Variants in ARHGAP35 observed in about 807,000 individuals in gnomAD.
The protein encoded by ARHGAP35 is rho GTPase-activating protein 35.
A neutral mutation model predicts 111.1 loss-of-function variants in ARHGAP35; 15 were observed. The observed-to-expected ratio is 0.13, with a 90% CI of 0.09 to 0.21. ARHGAP35 has a LOEUF of 0.21. Among genes scored for constraint, ARHGAP35 ranks in the 10% least tolerant of loss-of-function variants. The pLI, the probability that ARHGAP35 is intolerant of heterozygous loss-of-function variation, is 1.00. For missense variants in ARHGAP35, 1,262 were observed against 1,873.0 expected, an observed-to-expected ratio of 0.67 and a Z score of 6.02; for synonymous variants, 643 against 710.3, an observed-to-expected ratio of 0.91 and a Z score of 1.51.
chr19:46,998,684 T>C (rs924757781), intron 5 of ARHGAP35, among the ~76,000 whole-genome samples: 4 of 152,218 alleles, frequency 2.6e-5, no homozygotes, highest in Admixed American at 2.6e-4. Context: ...GCAGTTGTTT[T>C]CCCTCCCCCA....
At chr19:46,954,344 G>A (rs1016974265) in intron 3 of ARHGAP35, among the ~76,000 whole-genome samples, 2 of 152,204 alleles carry the variant, frequency 1.3e-5, no homozygotes, top group African/African-American at 2.4e-5. Flanking sequence ...GTGTCCCCAT[G>A]GGACCTGGCT....
rs953949211 is a variant in ARHGAP35, at chr19:46,922,511, G to A, written c.3681+155G>A. Among the ~76,000 whole-genome samples, 13 of 152,052 alleles carry A rather than the reference G, an allele frequency of 8.5e-5. No individual in the cohort carries two copies. Among genetic ancestry groups the A allele is most frequent in the Admixed American group, 6.6e-4 (10 of 15,262 alleles). On this transcript the variant is annotated intron_variant, in intron 2 of 6. Coordinates refer to ENST00000672722, the MANE Select transcript of ARHGAP35 (RefSeq NM_004491.5). This position sits in a 1 kb window ranked among gnomAD's most constrained non-coding sequence, Gnocchi z 4.0. ...ACATAAAAAAGCAGTGCCTCAATTA[G>A]CTACCATTATTGGCAGCTCTCAAGT...
chr19:47,000,518 C>T lies in ARHGAP35; in HGVS notation c.4330C>T (p.Pro1444Ser). Residue 1444 changes from proline (P) to serine (S), a missense_variant, in exon 7 of 7, where the codon CCC becomes TCC. Coordinates refer to ENST00000672722, the MANE Select transcript of ARHGAP35 (RefSeq NM_004491.5). This position sits in a 1 kb window ranked among gnomAD's most constrained non-coding sequence, Gnocchi z 6.9. The stretch of plus-strand genomic sequence containing the variant: ...CTTCTACAATCGGCCCATCACCGAG[C>T]CCCCCGGCGCCAGGCCCAGCTCCCC... ...FFFYNRPITE[P>S]PGARPSSPSA... 2.5e-6 allele frequency: 4 copies of T among 1,613,300 alleles called. No individual in the cohort carries two copies. The East Asian group carries it at 6.7e-5, about 27-fold the overall frequency.
chr19:46,876,122 T>A (rs1040526944), intron 1 of ARHGAP35, among the ~76,000 whole-genome samples: 47 of 152,056 alleles, frequency 3.1e-4, no homozygotes, highest in Non-Finnish European at 1.9e-4. Context: ...TGTTTACTCA[T>A]AGGGTAACTG....
chr19:47,000,879 C>T lies in ARHGAP35; in HGVS notation c.*191C>T, dbSNP rs1454249621. On this transcript the variant is annotated 3_prime_UTR_variant, in exon 7 of 7. Transcript: ENST00000672722. The surrounding 1 kb of genome is among the most constrained non-coding windows in gnomAD (Gnocchi z 6.9). ...GGGCTGCCAGGTACCCTGGGCCTGG[C>T]GCTGCAGACCTGAGCTGGCTTGGAC... The T allele has an allele frequency of 2.5e-5, 39 of 1,534,380 alleles. No homozygotes were observed. The highest frequency in any genetic ancestry group is 3.1e-5 in the Non-Finnish European group (35 of 1,146,100).
chr19:46,944,623 G>A (rs1438009290), intron 3 of ARHGAP35, among the ~76,000 whole-genome samples: 1 of 152,198 alleles, frequency 6.6e-6, no homozygotes, highest in Non-Finnish European at 1.5e-5. Context: ...TGAGAGGAGG[G>A]TCTCTGGAAG....
Position 46,994,893 on chromosome 19 carries a change from C to A in ARHGAP35, c.4037-4411C>A, listed in dbSNP as rs1015687174. On this transcript the variant is annotated intron_variant, in intron 5 of 6. Transcript: ENST00000672722. This position sits in a 1 kb window ranked among gnomAD's most constrained non-coding sequence, Gnocchi z 5.4. ...AAAGAATTCGCATTGTCTGACAAGG[C>A]AAGAATGGGGCGCTGTCACCACACA... 2.6e-5 allele frequency among the ~76,000 whole-genome samples: 4 copies of A among 152,202 alleles called. No individual in the cohort carries two copies. The highest frequency in any genetic ancestry group is 1.3e-4 in the Admixed American group (2 of 15,284).
At chr19:46,978,743 G>GGT (rs1182924308) in intron 3 of ARHGAP35, among the ~76,000 whole-genome samples, 1 of 139,284 alleles carries the variant, frequency 7.2e-6, no homozygotes, top group South Asian at 2.4e-4. Context: ...GAGTCTGTGT[G>GGT]GTGTGTGTGT....
chr19:46,972,096 G>T (rs946878193), intron 3 of ARHGAP35, among the ~76,000 whole-genome samples: 5 of 152,156 alleles, frequency 3.3e-5, no homozygotes, highest in African/African-American at 4.8e-5. Context: ...TGCAACCTCC[G>T]CCTCCCGGGT....
intron 1 of ARHGAP35, among the ~76,000 whole-genome samples, chr19:46,875,160 TTTA>T (rs1174202328): frequency 1.3e-5 from 2 of 152,040 alleles, no homozygotes; most frequent in Non-Finnish European, 2.9e-5. Context: ...CCCATTTGGT[TTTA>T]TTGTTGTTTT....
rs373370367 is a variant in ARHGAP35, at chr19:46,872,425, GT to G, written c.-189+11230del. On this transcript the variant is annotated intron_variant, in intron 1 of 6. Coordinates refer to ENST00000672722, the MANE Select transcript of ARHGAP35 (RefSeq NM_004491.5). Reference sequence around the variant, plus strand: ...ATTCAGGGAAAAAAAGATTAAACAAGTTTTTTTTTTTTTTGTAGTGTGGTTG... The same window carrying G: ...ATTCAGGGAAAAAAAGATTAAACAAGTTTTTTTTTTTTTGTAGTGTGGTTG... 8.1e-3 allele frequency among the ~76,000 whole-genome samples: 1,125 copies of G among 139,750 alleles called. 5 individuals carry two copies. The highest frequency in any genetic ancestry group is 0.023 in the Middle Eastern group (6 of 266). 91.7% of individuals were successfully genotyped at this position (139,750 alleles called of 152,430 possible).
At chr19:46,904,036 C>G (rs1363386095) in intron 1 of ARHGAP35, among the ~76,000 whole-genome samples, 1 of 152,004 alleles carries the variant, frequency 6.6e-6, no homozygotes, top group Non-Finnish European at 1.5e-5. Flanking sequence ...ATGGGACTGG[C>G]TGGATGTCAT....
chr19:46,934,406 C>T (rs370425349), intron 2 of ARHGAP35, among the ~76,000 whole-genome samples: 28 of 152,132 alleles, frequency 1.8e-4, no homozygotes, highest in African/African-American at 5.3e-4. Flanking sequence ...CTTGCTCTGT[C>T]GCCCAGGCTG....
At chr19:46,971,184 G>A (rs1381359714) in intron 3 of ARHGAP35, among the ~76,000 whole-genome samples, 1 of 152,168 alleles carries the variant, frequency 6.6e-6, no homozygotes, top group Non-Finnish European at 1.5e-5. Context: ...GAGGCAGGCA[G>A]ATCACGAGGT....
chr19:46,871,300 C>CT (rs1433597212), intron 1 of ARHGAP35, among the ~76,000 whole-genome samples: 2 of 152,174 alleles, frequency 1.3e-5, no homozygotes, highest in South Asian at 2.1e-4. Context: ...GCTATCAGGC[C>CT]TGCAAACAAG....
intron 3 of ARHGAP35, among the ~76,000 whole-genome samples, chr19:46,957,825 G>A (rs2055045145): frequency 6.6e-6 from 1 of 152,166 alleles, no homozygotes; most frequent in Non-Finnish European, 1.5e-5. Context: ...TCTCCAGCAG[G>A]CCAGAAGATA....
intron 1 of ARHGAP35, among the ~76,000 whole-genome samples, chr19:46,917,927 T>A (rs2056173176): frequency 2.6e-5 from 4 of 152,206 alleles, no homozygotes; most frequent in Admixed American, 6.5e-5. Context: ...TTGGCCAGAC[T>A]GGTCTTGAAC....
intron 2 of ARHGAP35, among the ~76,000 whole-genome samples, 173 bp from the exon 3 acceptor site, chr19:46,937,091 C>T (rs1339813922): frequency 1.3e-5 from 2 of 152,150 alleles, no homozygotes; most frequent in African/African-American, 4.8e-5. Context: ...CCACCCGCCT[C>T]GGCCTCCCAA....
chr19:46,933,137 C>T (rs77501833), intron 2 of ARHGAP35, among the ~76,000 whole-genome samples: 46 of 99,478 alleles, frequency 4.6e-4, no homozygotes, highest in South Asian at 7.1e-4. Flanking sequence ...AGTGTGCCTT[C>T]TTTTTTTTTT....
Sources: gnomAD v4.1 joint callset for allele counts (sites outside exome capture counted in the v4.1 genomes callset) on GRCh38, gnomAD v4.1.1 for gene constraint, Gnocchi (gnomAD v3.1) non-coding constraint, MANE v1.5 for transcripts, NCBI Gene and HGNC (gene_info 2026-07-23, HGNC 2026-07-21) for gene names.